The following PDE4D variants were observed in gnomAD, a reference collection of about 807,000 sequenced individuals.
PDE4D encodes the protein phosphodiesterase 4D, also known as 3',5'-cyclic-AMP phosphodiesterase 4D.
In PDE4D, 24 loss-of-function variants were observed where a neutral mutation model predicts 87.4. The ratio of observed to expected loss-of-function variants is 0.27; its 90% confidence interval spans 0.20 to 0.39. The LOEUF is 0.39. Among genes scored for constraint, PDE4D ranks in the 10% least tolerant of loss-of-function variants. PDE4D has a pLI of 1.00. For synonymous variants in PDE4D, 384 were observed against 383.2 expected (o/e 1.00, Z -0.02); for missense variants, 714 against 1,041.0 (o/e 0.69, Z 4.32).
intron 2 of PDE4D, among the ~76,000 whole-genome samples, chr5:60,033,303 G>A (rs1297007673): frequency 6.6e-6 from 1 of 152,090 alleles, no homozygotes; most frequent in East Asian, 1.9e-4. Flanking sequence ...TCCAGTGTCT[G>A]ATAACTACCT....
intron 1 of PDE4D, among the ~76,000 whole-genome samples, chr5:59,347,028 A>G (rs559757737): frequency 3.3e-5 from 5 of 152,220 alleles, no homozygotes; most frequent in Non-Finnish European, 7.4e-5. Flanking sequence ...TTCCTCCACT[A>G]AAGTGGCCAC....
intron 1 of PDE4D, among the ~76,000 whole-genome samples, chr5:59,552,454 C>A (rs1271409237): frequency 6.6e-6 from 1 of 151,968 alleles, no homozygotes; most frequent in Non-Finnish European, 1.5e-5. Flanking sequence ...AGAACAATAA[C>A]TTGACAATAA....
At chr5:59,942,388 G>A (rs1757279004) in intron 3 of PDE4D, among the ~76,000 whole-genome samples, 1 of 152,148 alleles carries the variant, frequency 6.6e-6, no homozygotes, top group African/African-American at 2.4e-5. Context: ...TGTGATATAA[G>A]CAAAAGCTTA....
intron 2 of PDE4D, among the ~76,000 whole-genome samples, chr5:60,149,064 G>T (rs1047966211): frequency 6.6e-6 from 1 of 152,162 alleles, no homozygotes; most frequent in Non-Finnish European, 1.5e-5. Flanking sequence ...AGAAACTGTG[G>T]TCAATAAAAT....
chr5:60,244,082 A>G (rs1747437218), intron 1 of PDE4D, among the ~76,000 whole-genome samples: 1 of 152,042 alleles, frequency 6.6e-6, no homozygotes, highest in South Asian at 2.1e-4. Context: ...AAAATATTAG[A>G]ACTGGTAAGC....
At chr5:60,415,803 C>T (rs1402859274) in intron 1 of PDE4D, among the ~76,000 whole-genome samples, 4 of 152,240 alleles carry the variant, frequency 2.6e-5, no homozygotes, top group African/African-American at 9.6e-5. Flanking sequence ...GGAGTGCAGG[C>T]GTAGGGCGCG....
intron 1 of PDE4D, among the ~76,000 whole-genome samples, chr5:59,675,846 C>T (rs954279622): frequency 6.6e-6 from 1 of 152,054 alleles, no homozygotes. Flanking sequence ...CGTGCCACAA[C>T]ACCTGGATAA....
chr5:58,997,668 C>G lies in PDE4D; in HGVS notation c.922-4203G>C, dbSNP rs184516920. On this transcript the variant is annotated intron_variant, in intron 6 of 14. Transcript: ENST00000340635. ...AAAACAATACACAGATTTAGGGTTG[C>G]AACTAAAAAAACGGGAGGATTTCTA... Among the ~76,000 whole-genome samples, 4 of 41,696 alleles carry G rather than the reference C, an allele frequency of 9.6e-5. No homozygotes were observed. The East Asian group carries it at 2.8e-3, about 29-fold the overall frequency. 27.4% of individuals were successfully genotyped at this position (41,696 alleles called of 152,430 possible).
intron 11 of PDE4D, among the ~76,000 whole-genome samples, chr5:58,984,629 A>G (rs183282447): frequency 6.6e-6 from 1 of 152,330 alleles, no homozygotes; most frequent in East Asian, 1.9e-4. Flanking sequence ...AAAAAAGTGT[A>G]TACTGACAGC....
intron 1 of PDE4D, among the ~76,000 whole-genome samples, chr5:60,369,740 C>T (rs1324706204): frequency 1.3e-5 from 2 of 152,108 alleles, no homozygotes; most frequent in Non-Finnish European, 2.9e-5. Context: ...AGCCACACCC[C>T]AGAACAAGGC....
intron 2 of PDE4D, among the ~76,000 whole-genome samples, chr5:60,103,779 A>G (rs1292511134): frequency 6.6e-6 from 1 of 152,228 alleles, no homozygotes; most frequent in Non-Finnish European, 1.5e-5. Flanking sequence ...TTTATAAAAT[A>G]TTAACAGGGA....
chr5:59,713,412 G>A (rs1428718208), intron 1 of PDE4D, among the ~76,000 whole-genome samples: 2 of 152,122 alleles, frequency 1.3e-5, no homozygotes, highest in African/African-American at 2.4e-5. Context: ...AGCCACTATT[G>A]TCTGTAAAAG....
At chr5:59,187,698 T>C (rs987016465) in intron 3 of PDE4D, among the ~76,000 whole-genome samples, 4 of 152,214 alleles carry the variant, frequency 2.6e-5, no homozygotes. Context: ...GTACAAACAC[T>C]GTTGCAATAA....
At chr5:60,344,736 T>A (rs1758597499) in intron 1 of PDE4D, among the ~76,000 whole-genome samples, 1 of 152,158 alleles carries the variant, frequency 6.6e-6, no homozygotes, top group South Asian at 2.1e-4. Context: ...TTTTAATTGA[T>A]CTTATTATCT....
At chr5:60,455,246 G>C (rs2150159034) in intron 1 of PDE4D, among the ~76,000 whole-genome samples, 1 of 152,224 alleles carries the variant, frequency 6.6e-6, no homozygotes, top group Non-Finnish European at 1.5e-5. Flanking sequence ...AAATTTGTGA[G>C]GGAACAAAGT....
intron 1 of PDE4D, among the ~76,000 whole-genome samples, chr5:60,200,493 G>A (rs2149543368): frequency 6.9e-6 from 1 of 145,108 alleles, no homozygotes; most frequent in African/African-American, 2.4e-5. Flanking sequence ...TCATTAATGG[G>A]AACAATGGCT....
intron 1 of PDE4D, among the ~76,000 whole-genome samples, chr5:59,464,771 A>T (rs1183641566): frequency 6.6e-6 from 1 of 151,448 alleles, no homozygotes; most frequent in Non-Finnish European, 1.5e-5. Flanking sequence ...TCATGCAGGA[A>T]TCATATGTGC....
intron 1 of PDE4D, among the ~76,000 whole-genome samples, chr5:60,295,801 G>T (rs1329398470): frequency 2.0e-5 from 3 of 152,154 alleles, no homozygotes; most frequent in African/African-American, 7.2e-5. Context: ...GACTTGCTTG[G>T]TTCACCTATG....
intron 3 of PDE4D, among the ~76,000 whole-genome samples, chr5:59,945,849 T>C (rs1400058684): frequency 6.6e-6 from 1 of 152,192 alleles, no homozygotes; most frequent in Non-Finnish European, 1.5e-5. Context: ...ACCCTCCTAA[T>C]CACCCTCACT....
Sources: allele counts gnomAD v4.1 joint callset (sites outside exome capture counted in the v4.1 genomes callset), GRCh38; gene constraint gnomAD v4.1.1; transcripts MANE v1.5; gene names NCBI Gene and HGNC (gene_info 2026-07-23, HGNC 2026-07-21).